The following NALF1 variants were observed in gnomAD, a reference collection of about 807,000 sequenced individuals.
The protein encoded by NALF1 is family with sequence similarity 155 member A.
Under a neutral mutation model 48.4 loss-of-function variants are expected in NALF1, and 3 were observed. The observed-to-expected ratio is 0.06, with a 90% CI of 0.03 to 0.16. The LOEUF (loss-of-function observed/expected upper bound fraction) is 0.16, where lower values mean the gene tolerates loss of function less well. Among genes scored for constraint, NALF1 ranks in the 10% least tolerant of loss-of-function variants. The pLI is 1.00. For missense variants in NALF1, 526 were observed against 571.5 expected, an observed-to-expected ratio of 0.92 and a Z score of 0.81; for synonymous variants, 262 against 245.7, an observed-to-expected ratio of 1.07 and a Z score of -0.62.
At chr13:107,605,966 C>A (rs1368409769) in intron 1 of NALF1, among the ~76,000 whole-genome samples, 1 of 152,160 alleles carries the variant, frequency 6.6e-6, no homozygotes, top group East Asian at 1.9e-4. Flanking sequence ...TCAAGGGATG[C>A]AAACCTGGGA....
intron 1 of NALF1, among the ~76,000 whole-genome samples, chr13:107,864,310 G>C (rs1361211702): frequency 6.6e-6 from 1 of 152,132 alleles, no homozygotes; most frequent in Non-Finnish European, 1.5e-5. Flanking sequence ...ATGAGAATAA[G>C]GCAAGGTCAG....
At chr13:107,467,436 C>T (rs542830785) in intron 1 of NALF1, among the ~76,000 whole-genome samples, 4 of 152,234 alleles carry the variant, frequency 2.6e-5, no homozygotes, top group East Asian at 1.9e-4. Flanking sequence ...CACTACTCCA[C>T]ATTCTTCCAT....
intron 1 of NALF1, among the ~76,000 whole-genome samples, chr13:107,388,495 A>C (rs1487940070): frequency 9.9e-5 from 15 of 152,200 alleles, no homozygotes; most frequent in Admixed American, 9.8e-4. Flanking sequence ...AAAAATTAGG[A>C]AGAATGGCCC....
intron 1 of NALF1, among the ~76,000 whole-genome samples, chr13:107,519,896 T>C (rs1876180613): frequency 6.6e-6 from 1 of 152,196 alleles, no homozygotes; most frequent in Non-Finnish European, 1.5e-5. Context: ...TATCTCAAAC[T>C]ACAGAGAATG....
At chr13:107,810,036 ATAC>A (rs1274704224) in intron 1 of NALF1, among the ~76,000 whole-genome samples, 2 of 152,040 alleles carry the variant, frequency 1.3e-5, no homozygotes, top group Non-Finnish European at 2.9e-5. Context: ...GGACCGCATC[ATAC>A]TACTATTTCA....
intron 1 of NALF1, among the ~76,000 whole-genome samples, chr13:107,763,133 AT>A (rs563403683): frequency 1.2e-3 from 184 of 152,150 alleles, no homozygotes; most frequent in African/African-American, 4.2e-3. Context: ...TTTTGAAACC[AT>A]TTTATATAGT....
intron 1 of NALF1, among the ~76,000 whole-genome samples, chr13:107,520,884 T>A (rs1876215388): frequency 1.3e-5 from 2 of 152,144 alleles, no homozygotes; most frequent in Non-Finnish European, 2.9e-5. Flanking sequence ...GAATATGACC[T>A]CTGACCCTGA....
intron 1 of NALF1, among the ~76,000 whole-genome samples, chr13:107,333,451 C>T (rs1882504207): frequency 1.3e-5 from 2 of 152,188 alleles, no homozygotes; most frequent in Admixed American, 6.5e-5. Context: ...CTGGCCCCAG[C>T]CAGCAGGGAG....
chr13:107,408,552 C>T (rs1280890797), intron 1 of NALF1, among the ~76,000 whole-genome samples: 1 of 152,098 alleles, frequency 6.6e-6, no homozygotes, highest in Non-Finnish European at 1.5e-5. Context: ...GCACACAGAA[C>T]AGTGAACAAT....
chr13:107,682,088 G>T (rs1408154697), intron 1 of NALF1, among the ~76,000 whole-genome samples: 4 of 152,156 alleles, frequency 2.6e-5, no homozygotes, highest in African/African-American at 9.7e-5. Flanking sequence ...TGCTGGACAA[G>T]TTACAAGGTT....
chr13:107,738,760 G>C lies in NALF1; in HGVS notation c.915+126922C>G, dbSNP rs1029519327. The stretch of plus-strand genomic sequence containing the variant: ...CGGCTCACTGCAACCTCTGCCTCCT[G>C]GGGTCAAGTGATTCTGCCTCAGCCT... On this transcript the variant is annotated intron_variant, in intron 1 of 2. Transcript: ENST00000375915. 3.3e-5 allele frequency among the ~76,000 whole-genome samples: 5 copies of C among 151,398 alleles called. No homozygotes were observed. In the East Asian group the frequency reaches 9.9e-4, roughly 30 times the overall value.
chr13:107,747,331 C>G (rs1051846770), intron 1 of NALF1, among the ~76,000 whole-genome samples: 5 of 152,208 alleles, frequency 3.3e-5, no homozygotes, highest in African/African-American at 9.6e-5. Context: ...TCTTGTACAA[C>G]TAACTTCAAA....
At chr13:107,285,720 TAGTA>T (rs1341519975) in intron 1 of NALF1, among the ~76,000 whole-genome samples, 10 of 151,986 alleles carry the variant, frequency 6.6e-5, no homozygotes, top group Non-Finnish European at 1.3e-4. Flanking sequence ...ATAGTATATA[TAGTA>T]AGTATTAGGA....
At chr13:107,417,437 T>C (rs1884109346) in intron 1 of NALF1, among the ~76,000 whole-genome samples, 1 of 152,210 alleles carries the variant, frequency 6.6e-6, no homozygotes, top group Admixed American at 6.5e-5. Flanking sequence ...ATTTGTCTAG[T>C]GTAAAAATGA....
intron 1 of NALF1, among the ~76,000 whole-genome samples, chr13:107,708,312 G>T (rs1875463823): frequency 6.6e-6 from 1 of 151,906 alleles, no homozygotes; most frequent in African/African-American, 2.4e-5. Flanking sequence ...ACTTATGGAT[G>T]CTCCCTCAGT....
chr13:107,210,532 A>T (rs952358873), intron 2 of NALF1, 52 bp downstream of exon 2: 7 of 1,307,996 alleles, frequency 5.4e-6, no homozygotes, highest in Non-Finnish European at 7.7e-6. Flanking sequence ...ACATCACACA[A>T]GAAAGCAAAA....
chr13:107,653,545 C>T (rs939921725), intron 1 of NALF1, among the ~76,000 whole-genome samples: 1 of 151,832 alleles, frequency 6.6e-6, no homozygotes, highest in African/African-American at 2.4e-5. Flanking sequence ...ATGTCACTAG[C>T]TCTAGTTTTT....
intron 1 of NALF1, among the ~76,000 whole-genome samples, chr13:107,282,520 C>A (rs1208510996): frequency 6.6e-6 from 1 of 152,140 alleles, no homozygotes; most frequent in Non-Finnish European, 1.5e-5. Context: ...CTATGTGGTT[C>A]CCTTCCACAC....
chr13:107,418,133 T>C (rs943792696), intron 1 of NALF1, among the ~76,000 whole-genome samples: 3 of 152,212 alleles, frequency 2.0e-5, no homozygotes, highest in Admixed American at 6.5e-5. Context: ...AGTGGTACTA[T>C]TTGTTCTCTA....
Sources: gnomAD v4.1 joint callset for allele counts (sites outside exome capture counted in the v4.1 genomes callset) on GRCh38, gnomAD v4.1.1 for gene constraint, MANE v1.5 for transcripts, NCBI Gene and HGNC (gene_info 2026-07-23, HGNC 2026-07-21) for gene names.